The following ADAMTSL3 variants were observed in gnomAD, a reference collection of about 807,000 sequenced individuals.
The protein encoded by ADAMTSL3 is ADAMTS-like protein 3.
A neutral mutation model predicts 201.7 loss-of-function variants in ADAMTSL3; 128 were observed. The observed-to-expected ratio is 0.63, with a 90% CI of 0.55 to 0.73. ADAMTSL3 has a LOEUF of 0.73. Among genes scored for constraint, ADAMTSL3 ranks in the 30% least tolerant of loss-of-function variants. The probability of loss-of-function intolerance (pLI) is 0.00; values close to 1 mark genes in which losing one functional copy is unlikely to be tolerated. For missense variants in ADAMTSL3, 1,990 were observed against 2,119.6 expected (o/e 0.94, Z 1.20); for synonymous variants, 738 against 748.4 (o/e 0.99, Z 0.23).
chr15:83,676,432 A>G (rs1254743341), intron 2 of ADAMTSL3, among the ~76,000 whole-genome samples: 1 of 152,088 alleles, frequency 6.6e-6, no homozygotes, highest in African/African-American at 2.4e-5. Flanking sequence ...TAATCCTAGC[A>G]CTTTGGGAGG....
At chr15:83,899,532 C>G in intron 14 of ADAMTSL3, 115 bp from the exon 15 acceptor site, 2 of 992,102 alleles carry the variant, frequency 2.0e-6, no homozygotes, top group Non-Finnish European at 3.0e-6. Flanking sequence ...ACTCAACTTG[C>G]ATTTGAAAAA....
At chr15:84,003,521 G>A (rs73443185) in intron 23 of ADAMTSL3, among the ~76,000 whole-genome samples, 3,311 of 152,240 alleles carry the variant, frequency 0.022, 114 homozygotes, top group African/African-American at 0.077. Context: ...TGGCTGGCCT[G>A]TGTTCCCTTG....
At chr15:83,918,526 G>C (rs1220736021) in intron 16 of ADAMTSL3, among the ~76,000 whole-genome samples, 3 of 152,168 alleles carry the variant, frequency 2.0e-5, no homozygotes, top group Non-Finnish European at 4.4e-5. Context: ...TTTGGAGGGG[G>C]TGGCACACGG....
rs145796306 is a variant in ADAMTSL3, at chr15:83,786,421, C to T, written c.317+12771C>T. 4.7e-3 allele frequency among the ~76,000 whole-genome samples: 719 copies of T among 152,162 alleles called. 4 individuals carry two copies. The highest frequency in any genetic ancestry group is 0.016 in the African/African-American group (684 of 41,518). ...AGCAAAGTAAATGGGGTATTCGTCC[C>T]TTTAAGGATTTATCATTTCTTTGTG... is the stretch of plus-strand genomic sequence containing the variant. On this transcript the variant is annotated intron_variant, in intron 4 of 29. Coordinates refer to ENST00000286744, the MANE Select transcript of ADAMTSL3 (RefSeq NM_207517.3).
intron 19 of ADAMTSL3, among the ~76,000 whole-genome samples, chr15:83,969,952 T>C (rs2067162102): frequency 6.6e-6 from 1 of 152,190 alleles, no homozygotes; most frequent in Non-Finnish European, 1.5e-5. Flanking sequence ...CTTCGGAAAG[T>C]GTTGGATATG....
rs184430442 is a variant in ADAMTSL3 at position 83,859,540 on chromosome 15, T to G, written c.802+700T>G. On this transcript the variant is annotated intron_variant, in intron 8 of 29. Transcript: ENST00000286744. The stretch of plus-strand genomic sequence containing the variant: ...TTTCTATAGGGAACCATACATCCTG[T>G]GACTCTAACTTTTTCTGGCTATTGT... Among the ~76,000 whole-genome samples, 52 of 152,352 alleles carry G rather than the reference T, an allele frequency of 3.4e-4. No individual in the cohort carries two copies. The East Asian group carries it at 8.7e-3, about 25-fold the overall frequency.
chr15:83,774,337 G>A (rs951792315), intron 4 of ADAMTSL3, among the ~76,000 whole-genome samples: 1 of 152,242 alleles, frequency 6.6e-6, no homozygotes, highest in Non-Finnish European at 1.5e-5. Flanking sequence ...AGGCAAAAGA[G>A]TAAATTGGCC....
rs917896813 is a variant in ADAMTSL3 at position 83,999,268 on chromosome 15, A to G, written c.3973+8054A>G. 3.3e-5 allele frequency among the ~76,000 whole-genome samples: 5 copies of G among 152,190 alleles called. No homozygotes were observed. The East Asian group carries it at 9.6e-4, about 29-fold the overall frequency. On this transcript the variant is annotated intron_variant, in intron 23 of 29. Transcript: ENST00000286744. ...AATAAACCCTTCTCTTGTTTTTGGA[A>G]ACTTAAACCATTTGTACTTCTTTAC...
chr15:83,857,261 G>A (rs761380134), intron 7 of ADAMTSL3, among the ~76,000 whole-genome samples: 7 of 151,988 alleles, frequency 4.6e-5, no homozygotes, highest in Non-Finnish European at 8.8e-5. Flanking sequence ...CCCCCATTCC[G>A]TGGGTTGCCT....
chr15:83,816,036 G>T (rs1220491671), intron 5 of ADAMTSL3, among the ~76,000 whole-genome samples: 1 of 152,252 alleles, frequency 6.6e-6, no homozygotes, highest in Non-Finnish European at 1.5e-5. Context: ...GGATGGATAT[G>T]TGGGTTTTTA....
chr15:83,956,400 T>G (rs1024413121), intron 19 of ADAMTSL3, among the ~76,000 whole-genome samples: 21 of 152,244 alleles, frequency 1.4e-4, no homozygotes, highest in Non-Finnish European at 2.9e-4. Flanking sequence ...ACCCAATTTT[T>G]AGTTCTTATG....
chr15:83,713,667 A>G (rs1478999862), intron 3 of ADAMTSL3, among the ~76,000 whole-genome samples: 1 of 152,252 alleles, frequency 6.6e-6, no homozygotes, highest in Non-Finnish European at 1.5e-5. Flanking sequence ...GGGCCATGCC[A>G]GGCAAGAAAA....
chr15:83,724,896 A>G (rs1156852919), intron 3 of ADAMTSL3, among the ~76,000 whole-genome samples: 1 of 151,780 alleles, frequency 6.6e-6, no homozygotes, highest in Non-Finnish European at 1.5e-5. Context: ...TTCTTTTTTT[A>G]TGGCTGAAGA....
At chr15:83,672,592 G>C (rs1438762994) in intron 2 of ADAMTSL3, among the ~76,000 whole-genome samples, 1 of 152,218 alleles carries the variant, frequency 6.6e-6, no homozygotes, top group Non-Finnish European at 1.5e-5. Flanking sequence ...GCAGTCATTT[G>C]TAATCATTAT....
At chr15:83,965,219 G>A (rs750500350) in intron 19 of ADAMTSL3, among the ~76,000 whole-genome samples, 1 of 152,042 alleles carries the variant, frequency 6.6e-6, no homozygotes, top group Non-Finnish European at 1.5e-5. Context: ...TTAAAAGACA[G>A]AGACTGGCAA....
At chr15:83,727,708 T>G (rs2062201613) in intron 3 of ADAMTSL3, among the ~76,000 whole-genome samples, 1 of 152,086 alleles carries the variant, frequency 6.6e-6, no homozygotes, top group Admixed American at 6.6e-5. Flanking sequence ...TCTAGTTCCA[T>G]TCCATTGTGG....
rs568913230 is a variant in ADAMTSL3 at position 83,944,598 on chromosome 15, CAG to C, written c.2490+1519_2490+1520del. On this transcript the variant is annotated intron_variant, in intron 19 of 29. Transcript: ENST00000286744. ...TCTCCCTTTTTATAGATGAGAAAAA[CAG>C]AGGTTCATTCAGATTAAGTAACTTG... Among the ~76,000 whole-genome samples, 4 of 152,278 alleles carry C rather than the reference CAG, an allele frequency of 2.6e-5. No individual in the cohort carries two copies. The South Asian group carries it at 6.2e-4, about 24-fold the overall frequency.
intron 2 of ADAMTSL3, among the ~76,000 whole-genome samples, chr15:83,681,587 T>C (rs1301881014): frequency 2.6e-5 from 4 of 152,246 alleles, no homozygotes; most frequent in Non-Finnish European, 5.9e-5. Context: ...TCAATAGTTC[T>C]GGTTGACATT....
chr15:84,034,904 T>C (rs767151509), intron 28 of ADAMTSL3, among the ~76,000 whole-genome samples: 2 of 152,178 alleles, frequency 1.3e-5, no homozygotes, highest in Non-Finnish European at 2.9e-5. Flanking sequence ...TCATGCTTCA[T>C]GTAGAAAAAC....
Sources: allele counts gnomAD v4.1 joint callset (sites outside exome capture counted in the v4.1 genomes callset), GRCh38; gene constraint gnomAD v4.1.1; transcripts MANE v1.5; gene names NCBI Gene and HGNC (gene_info 2026-07-23, HGNC 2026-07-21).